The following PCDHGA12 variants were observed in gnomAD, a reference collection of about 807,000 sequenced individuals.
PCDHGA12 encodes protocadherin gamma-A12.
A neutral mutation model predicts 61.1 loss-of-function variants in PCDHGA12; 43 were observed. The ratio of observed to expected loss-of-function variants is 0.70; its 90% CI spans 0.55 to 0.91. The LOEUF (loss-of-function observed/expected upper bound fraction) is 0.91, where lower values mean the gene tolerates loss of function less well. PCDHGA12 is among the 40% of genes least tolerant of loss of function. PCDHGA12 has a pLI of 0.00. For missense variants in PCDHGA12, 1,236 were observed against 1,227.7 expected, an observed-to-expected ratio of 1.01 and a Z score of -0.10; for synonymous variants, 520 against 542.9, an observed-to-expected ratio of 0.96 and a Z score of 0.59.
chr5:141,478,127 C>T (rs1323163663), intron 1 of PCDHGA12: 1 of 1,613,988 alleles, frequency 6.2e-7, no homozygotes, highest in Admixed American at 1.7e-5. Flanking sequence ...CGAGGACTCT[C>T]CTGAAGCCCG....
chr5:141,433,837 C>CAA (rs56191208), intron 1 of PCDHGA12, among the ~76,000 whole-genome samples: 9,379 of 111,452 alleles, frequency 0.084, 424 homozygotes, highest in African/African-American at 0.14. Flanking sequence ...AACTCTATCT[C>CAA]AAAAAAAAAA....
chr5:141,502,577 A>G (rs1260539435), intron 2 of PCDHGA12, among the ~76,000 whole-genome samples: 2 of 152,192 alleles, frequency 1.3e-5, no homozygotes, highest in African/African-American at 4.8e-5. Context: ...TTATAAAAAT[A>G]TATTTTTATA....
In PCDHGA12 at chr5:141,489,661, C is replaced by T. The variant is rs756803543; in HGVS notation, c.2425-5146C>T. 36 of 1,614,146 alleles carry T rather than the reference C, an allele frequency of 2.2e-5. 1 individual carries two copies. Among genetic ancestry groups the T allele is most frequent in the South Asian group, 5.5e-5 (5 of 91,090 alleles). ...CTTTGCCACCCCTGAGCGAGAGATG[C>T]GCATCTCAGAATCAGCAGCATCTGG... On this transcript the variant is annotated intron_variant, in intron 1 of 3. Coordinates refer to ENST00000252085, the MANE Select transcript of PCDHGA12 (RefSeq NM_003735.3). The surrounding 1 kb of genome is among the most constrained non-coding windows in gnomAD (Gnocchi z 4.5).
At chr5:141,499,127 A>G (rs1198571084) in intron 2 of PCDHGA12, among the ~76,000 whole-genome samples, 1 of 152,134 alleles carries the variant, frequency 6.6e-6, no homozygotes, top group Non-Finnish European at 1.5e-5. Flanking sequence ...TTCTCAGGTC[A>G]TCCTTTGGGT....
Position 141,432,701 on chromosome 5 carries a change from G to A in PCDHGA12, c.1942G>A (p.Asp648Asn), listed in dbSNP as rs200101512. ...GCAGAGCCTCGTAGTGGCCGTCCAG[G>A]ACCACGGCCAGCCCCCTCTCTCCGC... The part of the protein sequence containing the change: ...LKQSLVVAVQ[D>N]HGQPPLSATV... The change falls in exon 1 of 4, where the codon GAC becomes AAC. Residue 648 changes from aspartate to asparagine, a missense_variant. Coordinates refer to ENST00000252085, the MANE Select transcript of PCDHGA12 (RefSeq NM_003735.3). This position sits in a 1 kb window ranked among gnomAD's most constrained non-coding sequence, Gnocchi z 6.0. The A allele has an allele frequency of 2.7e-5, 44 of 1,613,842 alleles. No homozygotes were observed. The Admixed American group carries it at 5.3e-4, about 20-fold the overall frequency.
chr5:141,433,082 T>C lies in PCDHGA12; in HGVS notation c.2323T>C (p.Tyr775His). 6.2e-7 allele frequency: 1 copy of C among 1,614,188 alleles called. No individual in the cohort carries two copies. Residue 775 changes from tyrosine (Y) to histidine (H), a missense_variant, in exon 1 of 4, where the codon TAT (tyrosine) becomes CAT (histidine). Transcript: ENST00000252085. ...KSHLIFPQPN[Y>H]ADMLVSQESF... ...TCACCTGATCTTCCCCCAGCCCAAC[T>C]ATGCAGACATGCTCGTCAGCCAGGA...
intron 1 of PCDHGA12, among the ~76,000 whole-genome samples, chr5:141,453,670 G>A (rs191035462): frequency 2.5e-4 from 38 of 152,224 alleles, no homozygotes; most frequent in Middle Eastern, 6.8e-3. Context: ...TACACAAAAG[G>A]TAACACACTA....
At chr5:141,447,837 G>A (rs952923627) in intron 1 of PCDHGA12, among the ~76,000 whole-genome samples, 10 of 152,170 alleles carry the variant, frequency 6.6e-5, no homozygotes, top group African/African-American at 2.4e-4. Flanking sequence ...TGTAATCCCA[G>A]TGCTTTGGGA....
At chr5:141,452,954 T>A (rs1315313825) in intron 1 of PCDHGA12, among the ~76,000 whole-genome samples, 5 of 152,220 alleles carry the variant, frequency 3.3e-5, no homozygotes, top group Non-Finnish European at 1.5e-5. Context: ...ATTGGTTGTC[T>A]TTAAACTGAG....
chr5:141,460,289 T>C, intron 1 of PCDHGA12, among the ~76,000 whole-genome samples: 1 of 152,148 alleles, frequency 6.6e-6, no homozygotes, highest in East Asian at 1.9e-4. Context: ...TTTGTATTTC[T>C]TATGTCCTAT....
chr5:141,486,561 T>C lies in PCDHGA12; in HGVS notation c.2425-8246T>C. ...TTCTTTCAGAGGTCACATGAGGTGT[T>C]TGTTCCTGAGAACAATCGCCCAGGG... On this transcript the variant is annotated intron_variant, in intron 1 of 3. Transcript: ENST00000252085. This position sits in a 1 kb window ranked among gnomAD's most constrained non-coding sequence, Gnocchi z 5.0. 6.2e-7 allele frequency: 1 copy of C among 1,614,076 alleles called. No individual in the cohort carries two copies. Among genetic ancestry groups the C allele is most frequent in the Non-Finnish European group, 8.5e-7 (1 of 1,180,030 alleles).
chr5:141,494,661 G>A, intron 1 of PCDHGA12, 146 bp from the exon 2 acceptor site: 2 of 1,492,976 alleles, frequency 1.3e-6, no homozygotes, highest in Non-Finnish European at 1.8e-6. Context: ...TTTGTCTTTG[G>A]AGATGAGTCC....
At position 141,491,672 on chromosome 5, in the gene PCDHGA12, G is replaced by A. The variant is rs754836157; in HGVS notation, c.2425-3135G>A. The A allele has an allele frequency of 9.9e-6, 16 of 1,613,494 alleles. No homozygotes were observed. The South Asian group carries it at 1.4e-4, about 14-fold the overall frequency. On this transcript the variant is annotated intron_variant, in intron 1 of 3. Transcript: ENST00000252085. This position sits in a 1 kb window ranked among gnomAD's most constrained non-coding sequence, Gnocchi z 6.9. ...CTGGAGCCTGACGCCATCCGGTCCCGCTCTAATACGCTGCGGGAGCGGAGC... is the reference window on the plus strand; with the variant it reads ...CTGGAGCCTGACGCCATCCGGTCCCACTCTAATACGCTGCGGGAGCGGAGC...
rs991408001 is a variant in PCDHGA12, at chr5:141,450,171, C to G, written c.2424+16988C>G. Among the ~76,000 whole-genome samples, 5 of 151,690 alleles carry G rather than the reference C, an allele frequency of 3.3e-5. No individual in the cohort carries two copies. In the East Asian group the frequency reaches 7.8e-4, roughly 24 times the overall value. ...ACAGGCATGTGCCACCACACTCCCACCACACCCAGCTAATTTTTGTATTTT... is the reference window on the plus strand; with the variant it reads ...ACAGGCATGTGCCACCACACTCCCAGCACACCCAGCTAATTTTTGTATTTT... On this transcript the variant is annotated intron_variant, in intron 1 of 3. Transcript: ENST00000252085.
chr5:141,491,612 G>C lies in PCDHGA12; in HGVS notation c.2425-3195G>C, dbSNP rs759955730. 1 of 1,613,906 alleles carries C rather than the reference G, an allele frequency of 6.2e-7. No individual in the cohort carries two copies. Among genetic ancestry groups the C allele is most frequent in the South Asian group, 1.1e-5 (1 of 91,080 alleles). ...GACGGCAGTGACTTCACTTTTCTAA[G>C]ACCCCTCAGCGTTCAGCAGCCCACA... On this transcript the variant is annotated intron_variant, in intron 1 of 3. Transcript: ENST00000252085. The surrounding 1 kb of genome is among the most constrained non-coding windows in gnomAD (Gnocchi z 6.9).
chr5:141,488,672 G>A (rs1012955473), intron 1 of PCDHGA12, among the ~76,000 whole-genome samples: 20 of 152,208 alleles, frequency 1.3e-4, no homozygotes, highest in African/African-American at 4.8e-4. Context: ...GAATACATGG[G>A]CTTTGCCTCT....
rs2099641707 is a variant in PCDHGA12 at position 141,487,238 on chromosome 5, C to T, written c.2425-7569C>T. 1.2e-6 allele frequency: 2 copies of T among 1,614,056 alleles called. No individual in the cohort carries two copies. The highest frequency in any genetic ancestry group is 1.7e-6 in the Non-Finnish European group (2 of 1,180,022). On this transcript the variant is annotated intron_variant, in intron 1 of 3. Transcript: ENST00000252085. This position sits in a 1 kb window ranked among gnomAD's most constrained non-coding sequence, Gnocchi z 5.0. ...AGCTCCAAGGGAAGGAGAATCTCGT[C>T]TAACCCTCTACTTGGCTGTGTCCCT...
chr5:141,468,464 TC>T (rs2099167734), intron 1 of PCDHGA12: 2 of 152,174 alleles, frequency 1.3e-5, no homozygotes, highest in Admixed American at 1.3e-4. Flanking sequence ...GCAAGTTATT[TC>T]TGAGGAGAAT....
rs539348000 is a variant in PCDHGA12 at position 141,504,908 on chromosome 5, G to A, written c.2484-485G>A. 5.9e-5 allele frequency among the ~76,000 whole-genome samples: 9 copies of A among 152,208 alleles called. No homozygotes were observed. In the East Asian group the frequency reaches 1.7e-3, roughly 29 times the overall value. On this transcript the variant is annotated intron_variant, in intron 2 of 3. Coordinates refer to ENST00000252085, the MANE Select transcript of PCDHGA12 (RefSeq NM_003735.3). Reference sequence around the variant, plus strand: ...AGGTCTGATCTCCCTCACTATGACAGGAAGCCAGGCTCTCTCATGGTGGGT... The same window carrying A: ...AGGTCTGATCTCCCTCACTATGACAAGAAGCCAGGCTCTCTCATGGTGGGT...
Sources: gnomAD v4.1 joint callset for allele counts (sites outside exome capture counted in the v4.1 genomes callset) on GRCh38, gnomAD v4.1.1 for gene constraint, Gnocchi (gnomAD v3.1) non-coding constraint, MANE v1.5 for transcripts, NCBI Gene and HGNC (gene_info 2026-07-23, HGNC 2026-07-21) for gene names.